PTPRG: variants seen among roughly 807,000 people sequenced by gnomAD.
PTPRG encodes receptor-type tyrosine-protein phosphatase gamma.
A neutral mutation model predicts 165.3 loss-of-function variants in PTPRG; 102 were observed. The ratio of observed to expected loss-of-function variants is 0.62; its 90% CI spans 0.53 to 0.73. PTPRG has a LOEUF of 0.73. Ranked by LOEUF, PTPRG falls within the 30% of genes least tolerant of loss-of-function variation. PTPRG has a pLI of 0.00. For missense variants in PTPRG, 1,866 were observed against 1,861.4 expected, an observed-to-expected ratio of 1.00 and a Z score of -0.05; for synonymous variants, 675 against 669.5, an observed-to-expected ratio of 1.01 and a Z score of -0.13.
At chr3:62,039,340 A>T (rs999214766) in intron 4 of PTPRG, among the ~76,000 whole-genome samples, 25 of 151,962 alleles carry the variant, frequency 1.6e-4, no homozygotes, top group East Asian at 5.8e-4. Context: ...GTTAAAAAAA[A>T]TTTTTTTAAG....
intron 4 of PTPRG, among the ~76,000 whole-genome samples, chr3:62,021,852 C>CTTTT (rs2041698995): frequency 8.8e-6 from 1 of 114,254 alleles, no homozygotes; most frequent in African/African-American, 3.3e-5. Context: ...GGTCTTTTTC[C>CTTTT]TTTTCTTTTT....
At chr3:62,134,996 G>T (rs1438086504) in intron 6 of PTPRG, among the ~76,000 whole-genome samples, 4 of 152,182 alleles carry the variant, frequency 2.6e-5, no homozygotes, top group Non-Finnish European at 5.9e-5. Flanking sequence ...TTGGAGGCCA[G>T]GGGCAGTGGC....
chr3:61,869,031 T>C (rs1278310527), intron 2 of PTPRG, among the ~76,000 whole-genome samples: 1 of 152,110 alleles, frequency 6.6e-6, no homozygotes, highest in Non-Finnish European at 1.5e-5. Context: ...CATAAAGCAT[T>C]AGGAGGACGG....
At chr3:62,150,424 G>A (rs555941227) in intron 6 of PTPRG, among the ~76,000 whole-genome samples, 6 of 152,274 alleles carry the variant, frequency 3.9e-5, no homozygotes, top group Admixed American at 2.6e-4. Context: ...TATTAAAAAC[G>A]CAGAATCTCA....
In PTPRG at chr3:61,964,350, G is replaced by A. The variant is rs146548930; in HGVS notation, c.191-25275G>A. On this transcript the variant is annotated intron_variant, in intron 2 of 29. Transcript: ENST00000474889. ...ATAAAGTGTGAATGAGGCGGGAAACGTCATGGGAAAGGAGATCTTTTCTTA... is the reference window on the plus strand; with the variant it reads ...ATAAAGTGTGAATGAGGCGGGAAACATCATGGGAAAGGAGATCTTTTCTTA... 1.3e-3 allele frequency among the ~76,000 whole-genome samples: 197 copies of A among 152,280 alleles called. 5 individuals carry two copies. In the East Asian group the frequency reaches 0.031, roughly 24 times the overall value.
intron 1 of PTPRG, among the ~76,000 whole-genome samples, chr3:61,707,775 T>A (rs1347744404): frequency 6.6e-6 from 1 of 152,192 alleles, no homozygotes; most frequent in African/African-American, 2.4e-5. Context: ...AGGATATTTT[T>A]ATTTTTTAAT....
chr3:61,566,418 C>T (rs17669146), intron 1 of PTPRG, among the ~76,000 whole-genome samples: 89,194 of 152,166 alleles, frequency 0.59, 27,953 homozygotes, highest in East Asian at 0.87. Context: ...AAAGTAACTT[C>T]CTTGGCATTC....
At chr3:62,176,726 G>T (rs1220861976) in intron 8 of PTPRG, among the ~76,000 whole-genome samples, 1 of 151,996 alleles carries the variant, frequency 6.6e-6, no homozygotes, top group Admixed American at 6.6e-5. Flanking sequence ...CTGTACCGTG[G>T]GGCCATTTAG....
At chr3:61,952,866 G>T (rs983125207) in intron 2 of PTPRG, among the ~76,000 whole-genome samples, 1 of 152,128 alleles carries the variant, frequency 6.6e-6, no homozygotes, top group African/African-American at 2.4e-5. Context: ...CTTGCCTTCT[G>T]TGGAAGCTGT....
chr3:61,867,862 G>C (rs895330539), intron 2 of PTPRG, among the ~76,000 whole-genome samples: 1 of 152,170 alleles, frequency 6.6e-6, no homozygotes, highest in Non-Finnish European at 1.5e-5. Context: ...GTCTCATGTG[G>C]TGTGTGGGGC....
chr3:62,240,673 T>G lies in PTPRG; in HGVS notation c.2376-3134T>G, dbSNP rs1317999307. Among the ~76,000 whole-genome samples the G allele has an allele frequency of 1.3e-5, 2 of 152,188 alleles. No homozygotes were observed. The highest frequency in any genetic ancestry group is 4.8e-5 in the African/African-American group (2 of 41,448). On this transcript the variant is annotated intron_variant, in intron 14 of 29. Transcript: ENST00000474889. This position sits in a 1 kb window ranked among gnomAD's most constrained non-coding sequence, Gnocchi z 5.1. The stretch of plus-strand genomic sequence containing the variant: ...AGCCTTTCCCTTGCCTCTGGCTTCC[T>G]TCCAGTTTCCTAAAATGCACCAAGC...
intron 1 of PTPRG, among the ~76,000 whole-genome samples, chr3:61,623,355 G>A (rs1250990166): frequency 2.6e-5 from 4 of 152,204 alleles, no homozygotes; most frequent in African/African-American, 9.6e-5. Flanking sequence ...CAACTGCATG[G>A]TTAAGGCAGA....
At position 62,234,539 on chromosome 3, in the gene PTPRG, C is replaced by T. The variant is rs142692854; in HGVS notation, c.2375+3228C>T. ...ACTAACCTCATAGGTGAAAAAGAAA[C>T]GGTGTCTCGGTGTGATTTTAATGTA... On this transcript the variant is annotated intron_variant, in intron 14 of 29. Transcript: ENST00000474889. Among the ~76,000 whole-genome samples, 281 of 152,136 alleles carry T rather than the reference C, an allele frequency of 1.8e-3. 8 individuals carry two copies. The highest frequency in any genetic ancestry group is 5.5e-3 in the African/African-American group (228 of 41,498).
At chr3:62,267,890 T>C in intron 19 of PTPRG, 71 bp downstream of exon 19, 3 of 1,537,236 alleles carry the variant, frequency 2.0e-6, no homozygotes, top group South Asian at 2.4e-5. Flanking sequence ...GTACCTGCTT[T>C]AGGGTAGGAA....
chr3:62,227,566 C>A (rs1038991266), intron 13 of PTPRG, among the ~76,000 whole-genome samples: 4 of 152,228 alleles, frequency 2.6e-5, no homozygotes, highest in African/African-American at 9.6e-5. Context: ...TGTCCAGGAT[C>A]ATAGAGCTTG....
intron 1 of PTPRG, among the ~76,000 whole-genome samples, chr3:61,701,147 G>A (rs1464994967): frequency 6.6e-6 from 1 of 152,164 alleles, no homozygotes; most frequent in African/African-American, 2.4e-5. Flanking sequence ...TTTTCACGGA[G>A]TAGTCCACCA....
intron 2 of PTPRG, among the ~76,000 whole-genome samples, chr3:61,937,437 T>G (rs1227047330): frequency 6.6e-6 from 1 of 152,184 alleles, no homozygotes; most frequent in East Asian, 1.9e-4. Context: ...AAACCCAGTT[T>G]CTGGGTGAGG....
At chr3:61,630,926 C>T (rs1004857933) in intron 1 of PTPRG, among the ~76,000 whole-genome samples, 20 of 151,932 alleles carry the variant, frequency 1.3e-4, no homozygotes, top group East Asian at 3.9e-4. Context: ...CGTTGTGGCA[C>T]GCGCCTGTAG....
chr3:62,221,886 T>A (rs572547071), intron 13 of PTPRG, among the ~76,000 whole-genome samples: 1 of 152,354 alleles, frequency 6.6e-6, no homozygotes, highest in Admixed American at 6.5e-5. Flanking sequence ...GAATTCTGTC[T>A]CTTCCAAGTC....
Sources: allele counts gnomAD v4.1 joint callset (sites outside exome capture counted in the v4.1 genomes callset), GRCh38; gene constraint gnomAD v4.1.1; non-coding constraint Gnocchi (gnomAD v3.1); transcripts MANE v1.5; gene names NCBI Gene and HGNC (gene_info 2026-07-23, HGNC 2026-07-21).